Variants in APAF1 observed in about 807,000 individuals in gnomAD.
The protein encoded by APAF1 is apoptotic peptidase activating factor 1, also known as apoptotic protease-activating factor 1.
APAF1 carries 91 observed loss-of-function variants against 152.4 expected under a neutral mutation model. That is an observed-to-expected ratio of 0.60 (90% CI 0.50 to 0.71). The LOEUF is 0.71. APAF1 is among the 30% of genes least tolerant of loss of function. The pLI is 0.00. For synonymous variants in APAF1, 484 were observed against 494.1 expected, an observed-to-expected ratio of 0.98 and a Z score of 0.27; for missense variants, 1,283 against 1,472.0, an observed-to-expected ratio of 0.87 and a Z score of 2.10.
At chr12:98,659,019 T>C in intron 4 of APAF1, 141 bp from the exon 5 acceptor site, 1 of 798,820 alleles carries the variant, frequency 1.3e-6, no homozygotes. Flanking sequence ...ATCTTGCACG[T>C]AAAATTTCTA....
intron 16 of APAF1, among the ~76,000 whole-genome samples, chr12:98,698,331 G>A (rs962037404): frequency 5.3e-5 from 8 of 152,194 alleles, no homozygotes; most frequent in African/African-American, 1.9e-4. Context: ...GGGATTACAG[G>A]TGTGAACCAC....
At chr12:98,727,949 AAAATAAAT>A (rs1217848926) in intron 26 of APAF1, among the ~76,000 whole-genome samples, 1 of 149,540 alleles carries the variant, frequency 6.7e-6, no homozygotes, top group African/African-American at 2.5e-5. Context: ...CTCAAAAAAG[AAAATAAAT>A]AAATAAATAA....
chr12:98,680,551 T>G, intron 14 of APAF1, 149 bp downstream of exon 14: 3 of 884,944 alleles, frequency 3.4e-6, no homozygotes, highest in Non-Finnish European at 3.4e-6. Flanking sequence ...ATCTGAAAAT[T>G]CTTTACTTTT....
At chr12:98,647,574 C>G (rs1451344658) in intron 1 of APAF1, among the ~76,000 whole-genome samples, 2 of 151,824 alleles carry the variant, frequency 1.3e-5, no homozygotes, top group Admixed American at 1.3e-4. Flanking sequence ...GTTTCACCAT[C>G]TTGGCCAGGC....
chr12:98,697,384 G>C (rs1042925325), intron 16 of APAF1, among the ~76,000 whole-genome samples: 3 of 152,170 alleles, frequency 2.0e-5, no homozygotes, highest in Non-Finnish European at 4.4e-5. Flanking sequence ...TCAACTCATT[G>C]AGGGTAGTAT....
chr12:98,662,957 T>G (rs2097667439), intron 7 of APAF1, 151 bp downstream of exon 7: 1 of 641,192 alleles, frequency 1.6e-6, no homozygotes, highest in African/African-American at 1.8e-5. Flanking sequence ...ATATCTTAAA[T>G]GGATACATGA....
intron 13 of APAF1, among the ~76,000 whole-genome samples, chr12:98,677,910 C>G (rs1340666719): frequency 1.3e-5 from 2 of 152,184 alleles, no homozygotes; most frequent in Non-Finnish European, 2.9e-5. Context: ...CCTATTTTAT[C>G]AAAGTCTTAG....
At chr12:98,695,979 G>C (rs923770325) in intron 16 of APAF1, among the ~76,000 whole-genome samples, 4 of 152,172 alleles carry the variant, frequency 2.6e-5, no homozygotes, top group Non-Finnish European at 5.9e-5. Context: ...TTGCCTTTCT[G>C]CTTTCTAGAC....
At chr12:98,693,077 AC>A (rs1422681205) in intron 16 of APAF1, among the ~76,000 whole-genome samples, 5 of 151,734 alleles carry the variant, frequency 3.3e-5, no homozygotes, top group Admixed American at 6.6e-5. Flanking sequence ...AAAAAAAAAA[AC>A]AACACATATA....
intron 22 of APAF1, among the ~76,000 whole-genome samples, chr12:98,721,744 G>A (rs1406925703): frequency 1.3e-5 from 2 of 152,204 alleles, no homozygotes; most frequent in African/African-American, 4.8e-5. Context: ...GGCAGAAGAT[G>A]AGAGATCTGA....
chr12:98,715,247 T>TGC (rs1436359385), intron 21 of APAF1, among the ~76,000 whole-genome samples, 180 bp from the exon 22 acceptor site: 4 of 65,926 alleles, frequency 6.1e-5, no homozygotes, highest in African/African-American at 1.9e-4. Context: ...TATATATATA[T>TGC]ATATATATAT....
At chr12:98,706,309 AAAT>A (rs2097721343) in intron 18 of APAF1, among the ~76,000 whole-genome samples, 173 bp from the exon 19 acceptor site, 1 of 152,216 alleles carries the variant, frequency 6.6e-6, no homozygotes, top group African/African-American at 2.4e-5. Flanking sequence ...TTGCTATAAA[AAAT>A]AATGATGCAC....
chr12:98,664,519 A>G (rs778329235), intron 7 of APAF1, among the ~76,000 whole-genome samples: 2 of 151,554 alleles, frequency 1.3e-5, no homozygotes, highest in Non-Finnish European at 2.9e-5. Flanking sequence ...GAGATTATGT[A>G]TATGTGGTTT....
chr12:98,711,526 C>G (rs753038475), intron 20 of APAF1, among the ~76,000 whole-genome samples: 4 of 152,090 alleles, frequency 2.6e-5, no homozygotes, highest in Non-Finnish European at 4.4e-5. Context: ...GAAAAACTAC[C>G]TGTGATTGGT....
chr12:98,702,740 G>T (rs904901340), intron 17 of APAF1, among the ~76,000 whole-genome samples: 7 of 151,670 alleles, frequency 4.6e-5, no homozygotes, highest in Non-Finnish European at 7.4e-5. Flanking sequence ...CAGGAGAATT[G>T]CTTGAACCCA....
rs889878237 is a variant in APAF1 at position 98,710,318 on chromosome 12, A to G, written c.2841+1614A>G. ...TCCATATGGGTTTTAGAAGTGCTTT[A>G]TTAACTTCTAGGGAAAGGTTTTGGC... On this transcript the variant is annotated intron_variant, in intron 20 of 26. Coordinates refer to ENST00000551964, the MANE Select transcript of APAF1 (RefSeq NM_181861.2). Among the ~76,000 whole-genome samples, 64 of 150,124 alleles carry G rather than the reference A, an allele frequency of 4.3e-4. 1 individual carries two copies. Among genetic ancestry groups the G allele is most frequent in the African/African-American group, 1.5e-3 (61 of 40,744 alleles).
At chr12:98,675,607 G>A (rs369329547) in intron 12 of APAF1, among the ~76,000 whole-genome samples, 25 of 152,268 alleles carry the variant, frequency 1.6e-4, no homozygotes, top group African/African-American at 5.5e-4. Flanking sequence ...TGTTTACATA[G>A]CATTTACATT....
intron 16 of APAF1, among the ~76,000 whole-genome samples, chr12:98,688,638 A>G (rs1167412146): frequency 8.4e-6 from 1 of 119,250 alleles, no homozygotes; most frequent in African/African-American, 3.2e-5. Flanking sequence ...ACCTGGCGAA[A>G]TTTTTTTTTT....
chr12:98,704,657 C>G (rs2153336825), intron 18 of APAF1, among the ~76,000 whole-genome samples: 1 of 152,284 alleles, frequency 6.6e-6, no homozygotes, highest in Admixed American at 6.5e-5. Context: ...TGAGACTCTT[C>G]CCATTGCACA....
Sources: gnomAD v4.1 joint callset for allele counts (sites outside exome capture counted in the v4.1 genomes callset) on GRCh38, gnomAD v4.1.1 for gene constraint, MANE v1.5 for transcripts, NCBI Gene and HGNC (gene_info 2026-07-23, HGNC 2026-07-21) for gene names.